The following GALNT13 variants were observed in gnomAD, a reference collection of about 807,000 sequenced individuals.
GALNT13 encodes the protein UDP-GalNAc:polypeptide N-acetylgalactosaminyltransferase 13.
GALNT13 carries 28 observed loss-of-function variants against 64.2 expected under a neutral mutation model. The ratio of observed to expected loss-of-function variants is 0.44; its 90% CI spans 0.32 to 0.60. The LOEUF is 0.60. Ranked by LOEUF, GALNT13 falls within the 20% of genes least tolerant of loss-of-function variation. The pLI is 0.05. For synonymous variants in GALNT13, 214 were observed against 224.6 expected, an observed-to-expected ratio of 0.95 and a Z score of 0.42; for missense variants, 577 against 669.8, an observed-to-expected ratio of 0.86 and a Z score of 1.53.
chr2:153,848,344 T>A, the GALNT13 span, among the ~76,000 whole-genome samples: 1 of 152,156 alleles, frequency 6.6e-6, no homozygotes, highest in African/African-American at 2.4e-5. Flanking sequence ...GTAAAAGGGA[T>A]ACAAGGGAAT....
chr2:153,730,902 G>T, the GALNT13 span, among the ~76,000 whole-genome samples: 1 of 151,886 alleles, frequency 6.6e-6, no homozygotes, highest in East Asian at 1.9e-4. Context: ...AGATGTTGAT[G>T]GGGATTCAGA....
At chr2:154,140,701 T>G (rs1683211988) in intron 4 of GALNT13, among the ~76,000 whole-genome samples, 196 bp downstream of exon 4, 1 of 152,146 alleles carries the variant, frequency 6.6e-6, no homozygotes, top group Admixed American at 6.6e-5. Flanking sequence ...AAAAATACGT[T>G]ACTTGCAAAG....
the GALNT13 span, among the ~76,000 whole-genome samples, chr2:153,177,363 T>G: frequency 1.3e-5 from 2 of 152,042 alleles, no homozygotes; most frequent in Non-Finnish European, 2.9e-5. Context: ...CAATGCTTGA[T>G]TCCCACAGAA....
At chr2:153,316,131 G>A in the GALNT13 span, among the ~76,000 whole-genome samples, 2 of 151,226 alleles carry the variant, frequency 1.3e-5, no homozygotes, top group Non-Finnish European at 3.0e-5. Flanking sequence ...AAAGAAGAAA[G>A]AAAAAAGAAA....
At position 154,264,495 on chromosome 2, in the gene GALNT13, G is replaced by A. The variant is rs1023535479; in HGVS notation, c.975+5357G>A. ...AAAAAAAAAAAAAAAAAATTAGCTG[G>A]GCATGGTGGTGGACTCCTGTAATCC... On this transcript the variant is annotated intron_variant, in intron 8 of 12. Coordinates refer to ENST00000392825, the MANE Select transcript of GALNT13 (RefSeq NM_052917.4). 6.7e-5 allele frequency among the ~76,000 whole-genome samples: 10 copies of A among 149,510 alleles called. No homozygotes were observed. The South Asian group carries it at 1.9e-3, about 28-fold the overall frequency.
At chr2:154,029,936 A>T (rs544844916) in intron 3 of GALNT13, among the ~76,000 whole-genome samples, 1 of 152,300 alleles carries the variant, frequency 6.6e-6, no homozygotes, top group Admixed American at 6.5e-5. Flanking sequence ...TAGGCTCATC[A>T]ATATGGTTGG....
intron 9 of GALNT13, among the ~76,000 whole-genome samples, chr2:154,327,690 A>C (rs992103342): frequency 1.3e-5 from 2 of 152,106 alleles, no homozygotes; most frequent in Middle Eastern, 3.4e-3. Flanking sequence ...TGCAATTTAA[A>C]CTCTTACACA....
At chr2:153,567,661 C>G in the GALNT13 span, among the ~76,000 whole-genome samples, 1 of 152,140 alleles carries the variant, frequency 6.6e-6, no homozygotes, top group African/African-American at 2.4e-5. Flanking sequence ...GGACACCAAA[C>G]AGAACACTCC....
chr2:154,100,724 G>A (rs921798387), intron 3 of GALNT13, among the ~76,000 whole-genome samples: 3 of 152,090 alleles, frequency 2.0e-5, no homozygotes, highest in Non-Finnish European at 2.9e-5. Flanking sequence ...GCTCTGGTTA[G>A]GAATTCCAGT....
At chr2:153,695,585 A>G in the GALNT13 span, among the ~76,000 whole-genome samples, 1 of 152,220 alleles carries the variant, frequency 6.6e-6, no homozygotes, top group East Asian at 1.9e-4. Context: ...AGGAGAGAAG[A>G]TATAACTATA....
chr2:154,169,842 T>G (rs1473966965), intron 4 of GALNT13, among the ~76,000 whole-genome samples: 1 of 151,846 alleles, frequency 6.6e-6, no homozygotes, highest in Non-Finnish European at 1.5e-5. Flanking sequence ...TCTCACTAAA[T>G]CCATAAAAAG....
At chr2:153,987,547 C>A (rs1220917570) in intron 3 of GALNT13, among the ~76,000 whole-genome samples, 1 of 151,732 alleles carries the variant, frequency 6.6e-6, no homozygotes, top group African/African-American at 2.4e-5. Flanking sequence ...CATAGTAAAG[C>A]CTAGTCTTAT....
At chr2:153,756,709 T>G in the GALNT13 span, among the ~76,000 whole-genome samples, 1 of 152,120 alleles carries the variant, frequency 6.6e-6, no homozygotes, top group African/African-American at 2.4e-5. Flanking sequence ...CATTTTAGAA[T>G]GTACCATTGA....
the GALNT13 span, among the ~76,000 whole-genome samples, chr2:153,082,616 TATACACACACAC>T: frequency 5.3e-4 from 14 of 26,580 alleles, no homozygotes; most frequent in African/African-American, 1.2e-3. Context: ...TATATATATA[TATACACACACAC>T]ACACACACAC....
At chr2:153,548,218 C>T in the GALNT13 span, among the ~76,000 whole-genome samples, 1 of 152,098 alleles carries the variant, frequency 6.6e-6, no homozygotes, top group African/African-American at 2.4e-5. Flanking sequence ...GGAGTGGGGC[C>T]TGACACCCTG....
At chr2:153,865,517 T>C in the GALNT13 span, among the ~76,000 whole-genome samples, 1 of 117,876 alleles carries the variant, frequency 8.5e-6, no homozygotes, top group Non-Finnish European at 1.7e-5. Flanking sequence ...AACAGACACT[T>C]CTCAAAAGAA....
the GALNT13 span, among the ~76,000 whole-genome samples, chr2:153,220,497 G>A: frequency 1.3e-5 from 2 of 152,338 alleles, no homozygotes; most frequent in African/African-American, 2.4e-5. Context: ...AACACACTGC[G>A]CATGCTCACC....
the GALNT13 span, among the ~76,000 whole-genome samples, chr2:153,800,568 C>A: frequency 6.6e-6 from 1 of 152,146 alleles, no homozygotes; most frequent in Non-Finnish European, 1.5e-5. Flanking sequence ...AACTTGGTAT[C>A]AATCTTCTCA....
the GALNT13 span, among the ~76,000 whole-genome samples, chr2:153,626,996 T>C: frequency 1.3e-5 from 2 of 152,060 alleles, no homozygotes; most frequent in Non-Finnish European, 2.9e-5. Context: ...AAGAGGAAAT[T>C]TGCTGGGAAC....
Sources: gnomAD v4.1 joint callset for allele counts (sites outside exome capture counted in the v4.1 genomes callset) on GRCh38, gnomAD v4.1.1 for gene constraint, MANE v1.5 for transcripts, NCBI Gene and HGNC (gene_info 2026-07-23, HGNC 2026-07-21) for gene names.